CNBD1: variants seen among roughly 807,000 people sequenced by gnomAD.
CNBD1 encodes cyclic nucleotide binding domain containing 1.
CNBD1 carries 71 observed loss-of-function variants against 54.4 expected under a neutral mutation model. The ratio of observed to expected loss-of-function variants is 1.30; its 90% CI spans 1.08 to 1.59. The LOEUF (loss-of-function observed/expected upper bound fraction) is 1.59. Among genes scored for constraint, CNBD1 ranks in the 40% most tolerant of loss-of-function variants. The probability of loss-of-function intolerance (pLI) is 0.00; values close to 1 mark genes in which losing one functional copy is unlikely to be tolerated. For synonymous variants in CNBD1, 182 were observed against 170.7 expected (o/e 1.07, Z -0.51); for missense variants, 659 against 518.0 (o/e 1.27, Z -2.64).
chr8:87,258,987 C>A (rs11985810), intron 6 of CNBD1, among the ~76,000 whole-genome samples: 44,674 of 152,030 alleles, frequency 0.29, 7,259 homozygotes, highest in African/African-American at 0.43. Flanking sequence ...ACTAAGCAAA[C>A]ATTTACATTC....
intron 3 of CNBD1, among the ~76,000 whole-genome samples, chr8:86,909,278 TA>T (rs1210667519): frequency 1.3e-5 from 2 of 152,238 alleles, no homozygotes; most frequent in Non-Finnish European, 2.9e-5. Context: ...AGTTTTTATG[TA>T]AATAGGGAGC....
At chr8:86,939,357 T>C (rs1809609084) in intron 3 of CNBD1, among the ~76,000 whole-genome samples, 1 of 152,154 alleles carries the variant, frequency 6.6e-6, no homozygotes, top group South Asian at 2.1e-4. Context: ...ATAATACATA[T>C]AATCAAATTC....
chr8:87,092,710 T>A (rs1811242571), intron 4 of CNBD1, among the ~76,000 whole-genome samples: 1 of 152,010 alleles, frequency 6.6e-6, no homozygotes, highest in Non-Finnish European at 1.5e-5. Flanking sequence ...TTAAAAAAAA[T>A]TCTCTTCAGT....
chr8:86,933,598 C>T (rs4960931), intron 3 of CNBD1, among the ~76,000 whole-genome samples: 72,418 of 151,758 alleles, frequency 0.48, 18,266 homozygotes, highest in South Asian at 0.6. Flanking sequence ...AGAATACTAG[C>T]AACAAAATTC....
intron 6 of CNBD1, among the ~76,000 whole-genome samples, chr8:87,272,670 A>G (rs188540764): frequency 4.4e-4 from 67 of 152,120 alleles, no homozygotes; most frequent in African/African-American, 1.6e-3. Context: ...TACATGGATA[A>G]AGCATATAAC....
intron 2 of CNBD1, among the ~76,000 whole-genome samples, chr8:87,400,659 A>C (rs1807548842): frequency 1.3e-5 from 2 of 151,972 alleles, no homozygotes; most frequent in Admixed American, 1.3e-4. Context: ...TGATAATTTG[A>C]CTTTTTGCAT....
chr8:86,962,560 C>A (rs779346389), intron 4 of CNBD1, among the ~76,000 whole-genome samples: 1 of 151,986 alleles, frequency 6.6e-6, no homozygotes, highest in Non-Finnish European at 1.5e-5. Context: ...CTGAGGCGGG[C>A]ACATCACGAG....
intron 5 of CNBD1, among the ~76,000 whole-genome samples, chr8:87,217,862 T>C (rs1345869033): frequency 6.6e-6 from 1 of 152,122 alleles, no homozygotes; most frequent in Non-Finnish European, 1.5e-5. Context: ...ATCTGGACTT[T>C]ATATTTATTG....
intron 4 of CNBD1, among the ~76,000 whole-genome samples, chr8:87,113,351 C>T (rs1811702552): frequency 6.6e-6 from 1 of 152,184 alleles, no homozygotes; most frequent in African/African-American, 2.4e-5. Context: ...TGGAGTTTTA[C>T]AGACCTGCAT....
intron 1 of CNBD1, among the ~76,000 whole-genome samples, chr8:86,879,347 G>C (rs952578602): frequency 1.3e-5 from 2 of 152,180 alleles, no homozygotes; most frequent in African/African-American, 4.8e-5. Flanking sequence ...CATAAAGAAA[G>C]ATATTATTTG....
intron 10 of CNBD1, among the ~76,000 whole-genome samples, chr8:87,371,565 T>G (rs1045933198): frequency 1.4e-4 from 22 of 151,972 alleles, no homozygotes; most frequent in South Asian, 4.2e-4. Context: ...TATCCTTGAT[T>G]AACATTGATG....
chr8:87,157,643 A>G (rs1387008849), intron 4 of CNBD1, among the ~76,000 whole-genome samples: 2 of 152,156 alleles, frequency 1.3e-5, no homozygotes, highest in Non-Finnish European at 2.9e-5. Context: ...GCCTATACAC[A>G]GGGGCTTTGC....
chr8:87,268,801 G>A (rs1442138171), intron 6 of CNBD1, among the ~76,000 whole-genome samples: 1 of 151,784 alleles, frequency 6.6e-6, no homozygotes, highest in African/African-American at 2.4e-5. Context: ...TATTTAAGTT[G>A]CATATAGGTT....
At chr8:87,324,578 A>C (rs1276298960) in intron 8 of CNBD1, among the ~76,000 whole-genome samples, 2 of 144,832 alleles carry the variant, frequency 1.4e-5, no homozygotes, top group Non-Finnish European at 1.5e-5. Context: ...TAGATTTTCT[A>C]GTTTATTTGC....
chr8:87,350,219 TA>T (rs1001612483), intron 8 of CNBD1, among the ~76,000 whole-genome samples: 1 of 152,154 alleles, frequency 6.6e-6, no homozygotes. Context: ...GTTATACTTT[TA>T]CATTGTAATA....
chr8:87,115,982 C>T (rs767197688), intron 4 of CNBD1, among the ~76,000 whole-genome samples: 27 of 152,100 alleles, frequency 1.8e-4, no homozygotes, highest in Non-Finnish European at 3.5e-4. Flanking sequence ...ACCTATGAAA[C>T]TCAAACTCTG....
chr8:87,122,905 T>A (rs532565250), intron 4 of CNBD1, among the ~76,000 whole-genome samples: 4 of 151,992 alleles, frequency 2.6e-5, no homozygotes, highest in African/African-American at 9.6e-5. Flanking sequence ...CTGTCCTATT[T>A]GACTGATGAT....
intron 10 of CNBD1, among the ~76,000 whole-genome samples, chr8:87,358,156 C>T (rs1407024284): frequency 6.6e-6 from 1 of 152,166 alleles, no homozygotes; most frequent in South Asian, 2.1e-4. Flanking sequence ...AACCTCTTTC[C>T]TTTATAGATT....
In CNBD1 at chr8:87,382,630, C is replaced by A. The variant is rs1394718041; in HGVS notation, c.*3C>A. 2 of 1,533,506 alleles carry A rather than the reference C, an allele frequency of 1.3e-6. No homozygotes were observed. The highest frequency in any genetic ancestry group is 1.8e-6 in the Non-Finnish European group (2 of 1,132,530). 95.0% of individuals were successfully genotyped at this position (1,533,506 alleles called of 1,614,324 possible). A position where few individuals can be genotyped will look rare whatever the true frequency, so the allele number is the denominator to read the frequency against. Reference sequence around the variant, plus strand: ...GTTTGCCTTTTGCAGTGGCCTAGATCTAGAAACAACCTCAGTGAACATTAA... The same window carrying A: ...GTTTGCCTTTTGCAGTGGCCTAGATATAGAAACAACCTCAGTGAACATTAA... On this transcript the variant is annotated 3_prime_UTR_variant, in exon 11 of 11. Transcript: ENST00000518476.
Sources: gnomAD v4.1 joint callset for allele counts (sites outside exome capture counted in the v4.1 genomes callset) on GRCh38, gnomAD v4.1.1 for gene constraint, MANE v1.5 for transcripts, NCBI Gene and HGNC (gene_info 2026-07-23, HGNC 2026-07-21) for gene names.